The following EXOC6B variants were observed in gnomAD, a reference collection of about 807,000 sequenced individuals.
EXOC6B encodes SEC15 homolog B.
EXOC6B carries 54 observed loss-of-function variants against 113.5 expected under a neutral mutation model. The observed-to-expected ratio is 0.48, with a 90% confidence interval of 0.38 to 0.60. The LOEUF (loss-of-function observed/expected upper bound fraction) is 0.60, where lower values mean the gene tolerates loss of function less well. EXOC6B is among the 20% of genes least tolerant of loss of function. The pLI is 0.00. For missense variants in EXOC6B, 797 were observed against 977.5 expected (o/e 0.82, Z 2.46); for synonymous variants, 357 against 339.0 (o/e 1.05, Z -0.58).
intron 2 of EXOC6B, among the ~76,000 whole-genome samples, chr2:72,739,017 T>C (rs913261560): frequency 3.3e-5 from 5 of 152,228 alleles, no homozygotes; most frequent in African/African-American, 7.2e-5. Flanking sequence ...TTTATAAAAA[T>C]AGTCATACTG....
rs183518588 is a variant in EXOC6B at position 72,484,553 on chromosome 2, C to T, written c.1666-3803G>A. ...CTGCACTCCAGCCTGGGCGACAGAG[C>T]GAGACTCCGTCACAAAAAAAAAAAA... is the stretch of plus-strand genomic sequence containing the variant. On this transcript the variant is annotated intron_variant, in intron 16 of 21. Transcript: ENST00000272427. Among the ~76,000 whole-genome samples the T allele has an allele frequency of 7.6e-3, 1,032 of 136,420 alleles. 14 individuals carry two copies. The highest frequency in any genetic ancestry group is 0.027 in the African/African-American group (935 of 35,256). The allele number at this position is 136,420 out of a possible 152,430, so 89.5% of individuals were successfully genotyped here.
chr2:72,497,773 G>C (rs1203448439), intron 13 of EXOC6B, among the ~76,000 whole-genome samples: 2 of 152,122 alleles, frequency 1.3e-5, no homozygotes, highest in Non-Finnish European at 2.9e-5. Context: ...CTTGCAATAG[G>C]CAGCATAATC....
intron 6 of EXOC6B, among the ~76,000 whole-genome samples, chr2:72,654,411 T>G (rs1251243823): frequency 2.0e-5 from 3 of 152,160 alleles, no homozygotes; most frequent in Non-Finnish European, 4.4e-5. Flanking sequence ...TCTCTCAAAT[T>G]TATAATTAGC....
chr2:72,569,627 C>T (rs531970310), intron 7 of EXOC6B, among the ~76,000 whole-genome samples: 4 of 152,266 alleles, frequency 2.6e-5, no homozygotes, highest in East Asian at 1.9e-4. Flanking sequence ...TCTGGCCCAT[C>T]GGTTGCCAAT....
intron 6 of EXOC6B, among the ~76,000 whole-genome samples, chr2:72,590,439 G>C (rs1223735183): frequency 6.6e-6 from 1 of 151,902 alleles, no homozygotes; most frequent in Non-Finnish European, 1.5e-5. Flanking sequence ...AAAACAATAT[G>C]TTACTATGCT....
intron 18 of EXOC6B, among the ~76,000 whole-genome samples, chr2:72,393,382 C>T (rs542238460): frequency 6.6e-6 from 1 of 152,098 alleles, no homozygotes; most frequent in African/African-American, 2.4e-5. Context: ...GCGTGAGTCA[C>T]CATGTCTGGC....
At chr2:72,261,021 G>A (rs914686619) in intron 20 of EXOC6B, among the ~76,000 whole-genome samples, 1 of 152,102 alleles carries the variant, frequency 6.6e-6, no homozygotes, top group Non-Finnish European at 1.5e-5. Context: ...AAGAGTTTAT[G>A]TTGACAAGGT....
At chr2:72,619,562 A>T (rs771395052) in intron 6 of EXOC6B, among the ~76,000 whole-genome samples, 3 of 152,202 alleles carry the variant, frequency 2.0e-5, no homozygotes, top group Non-Finnish European at 2.9e-5. Flanking sequence ...CACCACTACC[A>T]AGAAGACAGA....
intron 5 of EXOC6B, among the ~76,000 whole-genome samples, chr2:72,720,087 T>G (rs1048571365): frequency 3.9e-5 from 6 of 152,136 alleles, no homozygotes; most frequent in Non-Finnish European, 7.4e-5. Flanking sequence ...TGACCTCCAG[T>G]AGACTGTGAT....
At chr2:72,534,561 A>G (rs1003125716) in intron 8 of EXOC6B, among the ~76,000 whole-genome samples, 2 of 152,162 alleles carry the variant, frequency 1.3e-5, no homozygotes, top group Non-Finnish European at 2.9e-5. Context: ...AGGAAGTAGA[A>G]GAGGCAACTT....
At chr2:72,192,507 T>C (rs576299683) in intron 20 of EXOC6B, among the ~76,000 whole-genome samples, 1 of 152,260 alleles carries the variant, frequency 6.6e-6, no homozygotes, top group East Asian at 1.9e-4. Flanking sequence ...CTATGACTAG[T>C]GACTGGGAAC....
At chr2:72,200,690 C>T (rs1679437732) in intron 20 of EXOC6B, among the ~76,000 whole-genome samples, 1 of 152,098 alleles carries the variant, frequency 6.6e-6, no homozygotes, top group Non-Finnish European at 1.5e-5. Flanking sequence ...GAATACAGGC[C>T]CCTGATTTGA....
chr2:72,454,023 A>G (rs1044811043), intron 18 of EXOC6B, among the ~76,000 whole-genome samples: 40 of 152,290 alleles, frequency 2.6e-4, no homozygotes, highest in Middle Eastern at 6.8e-3. Context: ...AGATCTCACT[A>G]TCATATGAAC....
At chr2:72,569,912 T>C (rs1195993164) in intron 7 of EXOC6B, among the ~76,000 whole-genome samples, 1 of 152,162 alleles carries the variant, frequency 6.6e-6, no homozygotes, top group East Asian at 1.9e-4. Flanking sequence ...TTTGTCCCAA[T>C]ACCACAAAGA....
intron 8 of EXOC6B, among the ~76,000 whole-genome samples, chr2:72,542,778 C>T (rs1446200440): frequency 6.6e-6 from 1 of 152,152 alleles, no homozygotes; most frequent in Non-Finnish European, 1.5e-5. Context: ...CCCATCATGA[C>T]ATTCAAAACT....
At chr2:72,261,924 T>C (rs1340013109) in intron 20 of EXOC6B, among the ~76,000 whole-genome samples, 1 of 152,150 alleles carries the variant, frequency 6.6e-6, no homozygotes, top group African/African-American at 2.4e-5. Context: ...CTTATTATCA[T>C]AGCTAACTGC....
intron 20 of EXOC6B, among the ~76,000 whole-genome samples, chr2:72,207,054 T>C (rs1005811036): frequency 6.6e-6 from 1 of 152,236 alleles, no homozygotes. Flanking sequence ...TTATAGATAC[T>C]GTCAAAAGCA....
chr2:72,246,131 C>T (rs1356677521), intron 20 of EXOC6B, among the ~76,000 whole-genome samples: 1 of 152,086 alleles, frequency 6.6e-6, no homozygotes, highest in East Asian at 1.9e-4. Context: ...TCAAGCAATC[C>T]TCCCACCCCA....
rs557084859 is a variant in EXOC6B at position 72,451,838 on chromosome 2, A to G, written c.1980+13322T>C. On this transcript the variant is annotated intron_variant, in intron 18 of 21. Coordinates refer to ENST00000272427, the MANE Select transcript of EXOC6B (RefSeq NM_015189.3). ...GCAAGTACGTACTGTGATTTCCAACATTGTGTGTTATTTGTTTGGAGAAGT... is the reference window on the plus strand; with the variant it reads ...GCAAGTACGTACTGTGATTTCCAACGTTGTGTGTTATTTGTTTGGAGAAGT... Among the ~76,000 whole-genome samples the G allele has an allele frequency of 4.6e-5, 7 of 152,262 alleles. No individual in the cohort carries two copies. The South Asian group carries it at 1.4e-3, about 32-fold the overall frequency.
Sources: allele counts gnomAD v4.1 joint callset (sites outside exome capture counted in the v4.1 genomes callset), GRCh38; gene constraint gnomAD v4.1.1; transcripts MANE v1.5; gene names NCBI Gene and HGNC (gene_info 2026-07-23, HGNC 2026-07-21).